The following COL19A1 variants were observed in gnomAD, a reference collection of about 807,000 sequenced individuals.
The protein encoded by COL19A1 is collagen alpha-1(XIX) chain.
A neutral mutation model predicts 190.2 loss-of-function variants in COL19A1; 159 were observed. The ratio of observed to expected loss-of-function variants is 0.84; its 90% CI spans 0.73 to 0.95. The LOEUF (loss-of-function observed/expected upper bound fraction) is 0.95, where lower values mean the gene tolerates loss of function less well. COL19A1 is among the 40% of genes least tolerant of loss of function. The pLI is 0.00. For synonymous variants in COL19A1, 509 were observed against 458.9 expected, an observed-to-expected ratio of 1.11 and a Z score of -1.39; for missense variants, 1,418 against 1,431.9, an observed-to-expected ratio of 0.99 and a Z score of 0.16.
intron 46 of COL19A1, among the ~76,000 whole-genome samples, chr6:70,186,245 T>C (rs1766506056): frequency 6.6e-6 from 1 of 152,228 alleles, no homozygotes; most frequent in African/African-American, 2.4e-5. Flanking sequence ...TGAACATCTT[T>C]GTACCTAACT....
At chr6:70,093,547 C>G (rs1354389402) in intron 15 of COL19A1, among the ~76,000 whole-genome samples, 1 of 151,730 alleles carries the variant, frequency 6.6e-6, no homozygotes, top group Non-Finnish European at 1.5e-5. Context: ...GACGTGAGGG[C>G]AAGCAGAAAT....
At chr6:70,067,310 C>G (rs565079690) in intron 14 of COL19A1, among the ~76,000 whole-genome samples, 1 of 152,076 alleles carries the variant, frequency 6.6e-6, no homozygotes, top group Non-Finnish European at 1.5e-5. Flanking sequence ...TGAATCCAAA[C>G]GTATCTTGTA....
Position 70,190,363 on chromosome 6 carries a change from GTCC to G in COL19A1, c.3078_3080del (p.Leu1027del). On this transcript the variant is annotated inframe_deletion, in exon 48 of 51. Transcript: ENST00000620364. ...AATAAAGAAGTATATTAATCAAGAG[GTCC>G]TAAGGATTTTTGAAGGTTAGATTTT... is the stretch of plus-strand genomic sequence containing the variant. The G allele has an allele frequency of 6.2e-7, 1 of 1,603,370 alleles. No individual in the cohort carries two copies. The highest frequency in any genetic ancestry group is 8.5e-7 in the Non-Finnish European group (1 of 1,173,546).
intron 36 of COL19A1, among the ~76,000 whole-genome samples, chr6:70,165,142 G>C (rs1169200629): frequency 1.3e-5 from 2 of 152,164 alleles, no homozygotes; most frequent in African/African-American, 4.8e-5. Flanking sequence ...ATTATTCTGA[G>C]AGAAAAGCAG....
rs796357194 is a variant in COL19A1, at chr6:70,112,497, C to CT, written c.1279-9374dup. ...AGAATAGCAGCATTAGGGGAGGAAT[C>CT]TTTTTTTTTCTAACTATCATGCCAT... is the stretch of plus-strand genomic sequence containing the variant. On this transcript the variant is annotated intron_variant, in intron 16 of 50. Transcript: ENST00000620364. Among the ~76,000 whole-genome samples the CT allele has an allele frequency of 2.8e-4, 42 of 151,482 alleles. 1 individual carries two copies. The South Asian group carries it at 3.5e-3, about 13-fold the overall frequency.
chr6:69,984,679 T>C (rs1776220177), intron 11 of COL19A1, among the ~76,000 whole-genome samples: 2 of 152,186 alleles, frequency 1.3e-5, no homozygotes, highest in Non-Finnish European at 2.9e-5. Flanking sequence ...TCCTAGTTTT[T>C]TCACAAAAAG....
At chr6:69,977,088 A>G (rs530476834) in intron 11 of COL19A1, among the ~76,000 whole-genome samples, 2 of 152,338 alleles carry the variant, frequency 1.3e-5, no homozygotes, top group East Asian at 3.9e-4. Context: ...ATTATAAATC[A>G]TGCTGCTATA....
intron 37 of COL19A1, 142 bp downstream of exon 37, chr6:70,166,127 G>T (rs777974567): frequency 1.4e-6 from 1 of 740,188 alleles, no homozygotes; most frequent in African/African-American, 1.8e-5. Flanking sequence ...AGCCAATGTA[G>T]CTTTAAAGAG....
chr6:69,885,971 A>G (rs757513025), intron 2 of COL19A1, among the ~76,000 whole-genome samples: 6 of 152,222 alleles, frequency 3.9e-5, no homozygotes, highest in Non-Finnish European at 8.8e-5. Context: ...ACAAAAGTGG[A>G]AGTAAATAAA....
At chr6:70,102,017 T>C (rs2150187833) in intron 15 of COL19A1, 152 bp from the exon 16 acceptor site, 1 of 702,238 alleles carries the variant, frequency 1.4e-6, no homozygotes, top group East Asian at 2.7e-5. Context: ...CCCACAGCTT[T>C]TAAAATTGAT....
intron 11 of COL19A1, among the ~76,000 whole-genome samples, chr6:69,969,481 T>A (rs1775301386): frequency 6.6e-6 from 1 of 152,060 alleles, no homozygotes; most frequent in Non-Finnish European, 1.5e-5. Flanking sequence ...AGGTTGTGCA[T>A]CCAGGGACTA....
chr6:70,061,301 A>G (rs1303222909), intron 14 of COL19A1, among the ~76,000 whole-genome samples: 1 of 152,180 alleles, frequency 6.6e-6, no homozygotes, highest in Non-Finnish European at 1.5e-5. Context: ...TTAGGAGAGC[A>G]TGGCTAGAAT....
At chr6:70,105,402 C>A (rs1271631347) in intron 16 of COL19A1, among the ~76,000 whole-genome samples, 1 of 152,006 alleles carries the variant, frequency 6.6e-6, no homozygotes, top group African/African-American at 2.4e-5. Context: ...GTGATCCACT[C>A]GCCTCAGCCT....
chr6:69,951,470 A>C (rs1290741999), intron 9 of COL19A1, among the ~76,000 whole-genome samples: 1 of 151,952 alleles, frequency 6.6e-6, no homozygotes, highest in Non-Finnish European at 1.5e-5. Context: ...TATACACTTC[A>C]TCTTAGCCAA....
At chr6:70,034,217 CTGTGTAT>C in intron 12 of COL19A1, 21 bp from the exon 13 acceptor site, 1 of 1,536,056 alleles carries the variant, frequency 6.5e-7, no homozygotes, top group East Asian at 2.2e-5. Flanking sequence ...TTTCTGTGAA[CTGTGTAT>C]TGGTTATATT....
intron 11 of COL19A1, among the ~76,000 whole-genome samples, chr6:70,008,253 T>C (rs1347464281): frequency 6.6e-6 from 1 of 151,640 alleles, no homozygotes; most frequent in Non-Finnish European, 1.5e-5. Flanking sequence ...CCATCAAAAG[T>C]TGGTTCTTTG....
At chr6:70,023,294 T>C (rs1778529191) in intron 11 of COL19A1, among the ~76,000 whole-genome samples, 2 of 152,058 alleles carry the variant, frequency 1.3e-5, no homozygotes, top group Non-Finnish European at 2.9e-5. Flanking sequence ...CCACCATGCC[T>C]GGCTAATTTT....
chr6:69,966,165 G>A lies in COL19A1; in HGVS notation c.1026+3295G>A, dbSNP rs573759941. 1.1e-4 allele frequency among the ~76,000 whole-genome samples: 16 copies of A among 152,116 alleles called. No individual in the cohort carries two copies. In the South Asian group the frequency reaches 1.5e-3, roughly 14 times the overall value. ...GTCCGGGAGGTGGGGGGCAGCCCCCGCCCGGCCAGCTGCCCCGTGCGGGAG... is the reference window on the plus strand; with the variant it reads ...GTCCGGGAGGTGGGGGGCAGCCCCCACCCGGCCAGCTGCCCCGTGCGGGAG... On this transcript the variant is annotated intron_variant, in intron 11 of 50. Coordinates refer to ENST00000620364, the MANE Select transcript of COL19A1 (RefSeq NM_001858.6).
At chr6:70,136,130 G>A (rs7773157) in intron 18 of COL19A1, among the ~76,000 whole-genome samples, 75,678 of 152,008 alleles carry the variant, frequency 0.5, 20,545 homozygotes, top group African/African-American at 0.72. Flanking sequence ...TAAACAAAAC[G>A]TATTCCATAA....
Sources: gnomAD v4.1 joint callset for allele counts (sites outside exome capture counted in the v4.1 genomes callset) on GRCh38, gnomAD v4.1.1 for gene constraint, MANE v1.5 for transcripts, NCBI Gene and HGNC (gene_info 2026-07-23, HGNC 2026-07-21) for gene names.